The following BRINP2 variants were observed in gnomAD, a reference collection of about 807,000 sequenced individuals.
BRINP2 encodes the protein BMP/retinoic acid-inducible neural-specific protein 2.
A neutral mutation model predicts 69.2 loss-of-function variants in BRINP2; 21 were observed. The ratio of observed to expected loss-of-function variants is 0.30; its 90% CI spans 0.22 to 0.44. BRINP2 has a LOEUF of 0.44. BRINP2 is among the 20% of genes least tolerant of loss of function. BRINP2 has a pLI of 1.00. For missense variants in BRINP2, 877 were observed against 986.0 expected, an observed-to-expected ratio of 0.89 and a Z score of 1.48; for synonymous variants, 380 against 394.1, an observed-to-expected ratio of 0.96 and a Z score of 0.42.
At position 177,229,795 on chromosome 1, in the gene BRINP2, T is replaced by C. The variant is rs1649806856; in HGVS notation, c.-76-6T>C. The C allele has an allele frequency of 4.7e-6, 7 of 1,498,092 alleles. No individual in the cohort carries two copies. The highest frequency in any genetic ancestry group is 6.2e-6 in the Non-Finnish European group (7 of 1,120,416). 92.8% of individuals were successfully genotyped at this position (1,498,092 alleles called of 1,614,324 possible). A position where few individuals can be genotyped will look rare whatever the true frequency, so the allele number is the denominator to read the frequency against. On this transcript the variant is annotated splice_polypyrimidine_tract_variant and splice_region_variant and intron_variant, in intron 1 of 7. Coordinates refer to ENST00000361539, the MANE Select transcript of BRINP2 (RefSeq NM_021165.4). The stretch of plus-strand genomic sequence containing the variant: ...TCAAATGACAATGCCTTTTGTACTT[T>C]TCCAGCTCCGAGCCCTGGAGGAGCA...
rs774770421 is a variant in BRINP2 at position 177,273,589 on chromosome 1, A to T, written c.771A>T (p.Leu257Phe). 2.5e-6 allele frequency: 4 copies of T among 1,577,562 alleles called. No individual in the cohort carries two copies. Among genetic ancestry groups the T allele is most frequent in the Non-Finnish European group, 3.4e-6 (4 of 1,159,600 alleles). Residue 257 changes from leucine to phenylalanine, a missense_variant, in exon 5 of 8, where the codon TTA (leucine) becomes TTT (phenylalanine). By Grantham distance (22) the Leu-to-Phe change is conservative (BLOSUM62 0). This residue lies in a region of BRINP2 where 566 missense variants were observed against 625.2 expected (regional missense o/e 0.91). Coordinates refer to ENST00000361539, the MANE Select transcript of BRINP2 (RefSeq NM_021165.4). ...LVQSPENKVQ[L>F]LGLQVLLPEY... ...AGAGTCCAGAGAACAAAGTACAGTT[A>T]CTTGGTAAGCAGCACTATGATGGTT...
intron 1 of BRINP2, among the ~76,000 whole-genome samples, chr1:177,177,439 T>G (rs1394600435): frequency 6.6e-6 from 1 of 152,218 alleles, no homozygotes; most frequent in Non-Finnish European, 1.5e-5. Flanking sequence ...TTCACTGCAA[T>G]AAGTTTGGCC....
chr1:177,206,470 G>A (rs1449368761), intron 1 of BRINP2, among the ~76,000 whole-genome samples: 2 of 152,184 alleles, frequency 1.3e-5, no homozygotes, highest in Non-Finnish European at 2.9e-5. Context: ...CTGAATCTTT[G>A]TGTACATCTT....
chr1:177,207,892 G>T (rs1406120817), intron 1 of BRINP2, among the ~76,000 whole-genome samples: 1 of 152,120 alleles, frequency 6.6e-6, no homozygotes, highest in Non-Finnish European at 1.5e-5. Context: ...GCAAAATAAA[G>T]ACAGAAAGAC....
intron 2 of BRINP2, among the ~76,000 whole-genome samples, chr1:177,245,275 C>T (rs183932462): frequency 2.0e-5 from 3 of 151,736 alleles, no homozygotes; most frequent in Admixed American, 6.6e-5. Context: ...AAAGAAAGAA[C>T]GTTGACAAGC....
chr1:177,248,473 G>A (rs931788726), intron 2 of BRINP2, among the ~76,000 whole-genome samples: 13 of 143,030 alleles, frequency 9.1e-5, no homozygotes, highest in African/African-American at 1.9e-4. Flanking sequence ...GTGTGTGTGC[G>A]TGTGTGTGTG....
chr1:177,196,411 A>G (rs1170453279), intron 1 of BRINP2, among the ~76,000 whole-genome samples: 1 of 152,140 alleles, frequency 6.6e-6, no homozygotes, highest in Non-Finnish European at 1.5e-5. Flanking sequence ...TGAGGTCGGG[A>G]GTTTGAGACC....
intron 1 of BRINP2, among the ~76,000 whole-genome samples, chr1:177,194,138 T>C (rs1018194134): frequency 7.2e-5 from 11 of 152,230 alleles, no homozygotes; most frequent in Non-Finnish European, 1.0e-4. Flanking sequence ...GTTTGTATCA[T>C]GTAGAAAGGA....
At chr1:177,205,297 T>C (rs1489293642) in intron 1 of BRINP2, among the ~76,000 whole-genome samples, 1 of 152,146 alleles carries the variant, frequency 6.6e-6, no homozygotes. Flanking sequence ...CCCACCACTA[T>C]GTCTGGCTAA....
chr1:177,199,843 A>G (rs1648850302), intron 1 of BRINP2, among the ~76,000 whole-genome samples: 1 of 152,204 alleles, frequency 6.6e-6, no homozygotes, highest in Non-Finnish European at 1.5e-5. Context: ...ATCTGCAGAT[A>G]TTCATGGCTC....
intron 4 of BRINP2, among the ~76,000 whole-genome samples, chr1:177,269,894 C>A (rs1651249239): frequency 6.6e-6 from 1 of 152,164 alleles, no homozygotes; most frequent in Admixed American, 6.5e-5. Flanking sequence ...ATTATTAGCT[C>A]TTTCTGAAAG....
intron 1 of BRINP2, among the ~76,000 whole-genome samples, chr1:177,214,537 C>A (rs770196404): frequency 6.6e-6 from 1 of 152,166 alleles, no homozygotes; most frequent in Non-Finnish European, 1.5e-5. Flanking sequence ...AAAACCTTAA[C>A]CCTTAGGACA....
intron 1 of BRINP2, among the ~76,000 whole-genome samples, chr1:177,214,362 G>A (rs1649313663): frequency 6.6e-6 from 1 of 152,150 alleles, no homozygotes; most frequent in African/African-American, 2.4e-5. Context: ...GAACCTGGGA[G>A]GCGGAGGTTG....
intron 4 of BRINP2, among the ~76,000 whole-genome samples, chr1:177,262,441 G>A (rs1056619878): frequency 6.6e-6 from 1 of 151,746 alleles, no homozygotes; most frequent in Non-Finnish European, 1.5e-5. Context: ...GAACCCGGGA[G>A]ACGGAGGTTG....
intron 1 of BRINP2, among the ~76,000 whole-genome samples, chr1:177,202,882 C>T (rs925744985): frequency 6.6e-6 from 1 of 152,142 alleles, no homozygotes; most frequent in Non-Finnish European, 1.5e-5. Flanking sequence ...GTTGGTGGGA[C>T]TGTAAACTAG....
intron 2 of BRINP2, among the ~76,000 whole-genome samples, chr1:177,253,783 T>G (rs1003980867): frequency 1.3e-5 from 2 of 152,176 alleles, no homozygotes; most frequent in African/African-American, 4.8e-5. Flanking sequence ...ATTAAAGATA[T>G]TCTCCTTTCC....
chr1:177,200,293 CAAAAAAAAAA>C (rs35619503), intron 1 of BRINP2, among the ~76,000 whole-genome samples: 25 of 34,810 alleles, frequency 7.2e-4, no homozygotes, highest in African/African-American at 1.7e-3. Flanking sequence ...AACTCTGTCT[CAAAAAAAAAA>C]AAAAAAAAAA....
chr1:177,279,565 G>A (rs767344149), intron 7 of BRINP2, among the ~76,000 whole-genome samples: 6 of 152,182 alleles, frequency 3.9e-5, no homozygotes, highest in South Asian at 4.1e-4. Context: ...CTGCCTTCAC[G>A]GCCAGCAACC....
intron 4 of BRINP2, among the ~76,000 whole-genome samples, chr1:177,259,984 C>T (rs573060359): frequency 2.2e-4 from 34 of 152,222 alleles, no homozygotes; most frequent in African/African-American, 6.0e-4. Context: ...TATTTAAAAA[C>T]GTTTTTATAA....
Sources: allele counts gnomAD v4.1 joint callset (sites outside exome capture counted in the v4.1 genomes callset), GRCh38; gene constraint gnomAD v4.1.1; regional missense constraint gnomAD v4.1.1; transcripts MANE v1.5; gene names NCBI Gene and HGNC (gene_info 2026-07-23, HGNC 2026-07-21).